Variants in ERG observed in about 807,000 individuals in gnomAD.
ERG encodes ETS transcription factor ERG, also known as transcriptional regulator ERG.
ERG carries 9 observed loss-of-function variants against 55.3 expected under a neutral mutation model. The ratio of observed to expected loss-of-function variants is 0.16; its 90% CI spans 0.10 to 0.28. ERG has a LOEUF of 0.28. ERG is among the 10% of genes least tolerant of loss of function. The pLI is 1.00. For synonymous variants in ERG, 223 were observed against 237.3 expected, an observed-to-expected ratio of 0.94 and a Z score of 0.55; for missense variants, 434 against 631.6, an observed-to-expected ratio of 0.69 and a Z score of 3.35.
At chr21:38,627,162 T>A (rs1310559545) in intron 1 of ERG, among the ~76,000 whole-genome samples, 2 of 152,088 alleles carry the variant, frequency 1.3e-5, no homozygotes, top group Non-Finnish European at 2.9e-5. Flanking sequence ...TGTTGAATAT[T>A]TCATGTCTAA....
At chr21:38,495,416 C>A (rs922418515) in intron 1 of ERG, among the ~76,000 whole-genome samples, 8 of 152,374 alleles carry the variant, frequency 5.3e-5, no homozygotes, top group South Asian at 2.1e-4. Flanking sequence ...CTCCACCAAG[C>A]CTTGTTAGTA....
rs1988004648 is a variant in ERG at position 38,392,235 on chromosome 21, A to C, written c.814+141T>G. On this transcript the variant is annotated intron_variant, in intron 7 of 9. Coordinates refer to ENST00000288319, the MANE Select transcript of ERG (RefSeq NM_182918.4). The stretch of plus-strand genomic sequence containing the variant: ...AAAGAATCACTGCAGTGAAAGATCA[A>C]TTGTACTCTTGTCGTCAATGGAACA... 4.0e-6 allele frequency: 3 copies of C among 759,384 alleles called. No individual in the cohort carries two copies. In the Admixed American group the frequency reaches 6.0e-5, roughly 15 times the overall value. The allele number at this position is 759,384 out of a possible 1,614,324, so 47.0% of individuals were successfully genotyped here. A position where few individuals can be genotyped will look rare whatever the true frequency, so the allele number is the denominator to read the frequency against.
At chr21:38,556,169 G>A (rs1348627321) in intron 2 of ERG, among the ~76,000 whole-genome samples, 2 of 152,110 alleles carry the variant, frequency 1.3e-5, no homozygotes, top group Non-Finnish European at 2.9e-5. Context: ...ATTTTGGGAT[G>A]ATAAAAGGGC....
rs1987465949 is a variant in ERG, at chr21:38,382,113, G to A, written c.*1290C>T. 1 of 1,055,132 alleles carries A rather than the reference G, an allele frequency of 9.5e-7. No individual in the cohort carries two copies. Among genetic ancestry groups the A allele is most frequent in the East Asian group, 5.4e-5 (1 of 18,654 alleles). 65.4% of individuals were successfully genotyped at this position (1,055,132 alleles called of 1,614,324 possible). On this transcript the variant is annotated 3_prime_UTR_variant, in exon 10 of 10. Coordinates refer to ENST00000288319, the MANE Select transcript of ERG (RefSeq NM_182918.4). ...AATAACTTCATATTGTAAACATTAAGCATACAGAGTTAAAATTCAAGGCCA... is the reference window on the plus strand; with the variant it reads ...AATAACTTCATATTGTAAACATTAAACATACAGAGTTAAAATTCAAGGCCA...
intron 1 of ERG, among the ~76,000 whole-genome samples, chr21:38,580,386 T>G (rs913859530): frequency 1.3e-5 from 2 of 152,240 alleles, no homozygotes; most frequent in African/African-American, 4.8e-5. Flanking sequence ...TATGTAGTAG[T>G]TGGTAACCAA....
At chr21:38,425,460 T>G (rs545390835) in intron 2 of ERG, among the ~76,000 whole-genome samples, 223 of 152,182 alleles carry the variant, frequency 1.5e-3, no homozygotes, top group Non-Finnish European at 2.6e-3. Context: ...AAATCCAGCT[T>G]AAGCAGAAAA....
chr21:38,431,662 GATGACA>G (rs1990219161), intron 2 of ERG, among the ~76,000 whole-genome samples: 1 of 152,178 alleles, frequency 6.6e-6, no homozygotes, highest in African/African-American at 2.4e-5. Flanking sequence ...AAGTGCATCT[GATGACA>G]AGGTTTGAGG....
chr21:38,423,433 T>C lies in ERG; in HGVS notation c.365A>G (p.Glu122Gly). 1 of 1,613,932 alleles carries C rather than the reference T, an allele frequency of 6.2e-7. No individual in the cohort carries two copies. Among genetic ancestry groups the C allele is most frequent in the Non-Finnish European group, 8.5e-7 (1 of 1,179,900 alleles). The change falls in exon 3 of 10, where the codon GAG becomes GGG. Residue 122 changes from glutamate to glycine, a missense_variant. Glu to Gly is a moderately conservative substitution (Grantham distance 98). Around this residue, in one of 5 missense-constraint regions of ERG, gnomAD observed 212 missense variants for 262.9 expected, o/e 0.81. Coordinates refer to ENST00000288319, the MANE Select transcript of ERG (RefSeq NM_182918.4). The stretch of plus-strand genomic sequence containing the variant: ...ACCTGCTGGCACGATAACTCTGCGC[T>C]CGTTCGTGGTCATGTTTGGGGGTGG... ...HMPPPNMTTN[E>G]RRVIVPADPT...
At chr21:38,435,966 T>G (rs1990422763) in intron 2 of ERG, among the ~76,000 whole-genome samples, 1 of 152,148 alleles carries the variant, frequency 6.6e-6, no homozygotes, top group South Asian at 2.1e-4. Context: ...CTTCATGTTT[T>G]TATAACAGGC....
intron 3 of ERG, among the ~76,000 whole-genome samples, chr21:38,422,913 T>G (rs1571703): frequency 0.057 from 8,601 of 152,224 alleles, 420 homozygotes; most frequent in East Asian, 0.21. Flanking sequence ...TCATAAATAG[T>G]ACCTCATGAA....
intron 1 of ERG, among the ~76,000 whole-genome samples, chr21:38,657,265 T>G (rs2060525065): frequency 1.3e-5 from 2 of 152,190 alleles, no homozygotes; most frequent in Non-Finnish European, 2.9e-5. Flanking sequence ...ACGCACTGAG[T>G]CAAGATAGCC....
chr21:38,577,335 G>A (rs1007804289), intron 1 of ERG, among the ~76,000 whole-genome samples: 13 of 152,144 alleles, frequency 8.5e-5, no homozygotes, highest in African/African-American at 3.1e-4. Flanking sequence ...TCTCCCTGGA[G>A]GCCTCCCAAG....
chr21:38,392,401 G>A lies in ERG; in HGVS notation c.789C>T (p.His263=), dbSNP rs780807596. 1.9e-5 allele frequency: 30 copies of A among 1,567,116 alleles called. No individual in the cohort carries two copies. The highest frequency in any genetic ancestry group is 1.2e-4 in the African/African-American group (9 of 73,808). ...EPPRRSAWTG[H]GHPTPQSKAA... ...CTTTCGACTGGGGCGTGGGGTGGCC[G>A]TGACCGGTCCAGGCTGATCTCCTGG... is the stretch of plus-strand genomic sequence containing the variant. Residue 263 remains histidine (H), a synonymous_variant, in exon 7 of 10, where the codon CAC becomes CAT. Coordinates refer to ENST00000288319, the MANE Select transcript of ERG (RefSeq NM_182918.4).
chr21:38,444,011 T>C lies in ERG; in HGVS notation c.236+1393A>G, dbSNP rs577011568. Among the ~76,000 whole-genome samples, 3 of 151,806 alleles carry C rather than the reference T, an allele frequency of 2.0e-5. No homozygotes were observed. The South Asian group carries it at 6.2e-4, about 32-fold the overall frequency. Reference sequence around the variant, plus strand: ...AAACTGACTTCTCAGAGTGGAGGAGTGTTCTGGCATCTCCCATCTCCCCAT... The same window carrying C: ...AAACTGACTTCTCAGAGTGGAGGAGCGTTCTGGCATCTCCCATCTCCCCAT... On this transcript the variant is annotated intron_variant, in intron 2 of 9. Coordinates refer to ENST00000288319, the MANE Select transcript of ERG (RefSeq NM_182918.4).
At chr21:38,437,216 C>T (rs1182274251) in intron 2 of ERG, among the ~76,000 whole-genome samples, 1 of 152,122 alleles carries the variant, frequency 6.6e-6, no homozygotes, top group Non-Finnish European at 1.5e-5. Context: ...TAATCCATCT[C>T]CATCGAAGCT....
intron 1 of ERG, among the ~76,000 whole-genome samples, chr21:38,647,566 G>T (rs571265584): frequency 6.6e-6 from 1 of 152,236 alleles, no homozygotes; most frequent in South Asian, 2.1e-4. Context: ...CTTTTTAGGA[G>T]GTTGATCATG....
At chr21:38,637,341 A>G (rs1490927950) in intron 1 of ERG, among the ~76,000 whole-genome samples, 1 of 152,218 alleles carries the variant, frequency 6.6e-6, no homozygotes, top group Non-Finnish European at 1.5e-5. Context: ...TCAGAGCTTA[A>G]GAAACAATCC....
At position 38,533,044 on chromosome 21, in the gene ERG, T is replaced by C. The variant is rs185044974; in HGVS notation, c.-41+42618A>G. On this transcript the variant is annotated intron_variant, in intron 2 of 8. Coordinates refer to the ERG transcript ENST00000398897. ...AAATCACTATTGAATTAAAATGAAG[T>C]AAAGCACTTTGAGATTTCAGATTTC... Among the ~76,000 whole-genome samples, 243 of 152,316 alleles carry C rather than the reference T, an allele frequency of 1.6e-3. 2 individuals are homozygous for C. The highest frequency in any genetic ancestry group is 9.3e-3 in the Admixed American group (143 of 15,298).
intron 1 of ERG, among the ~76,000 whole-genome samples, chr21:38,487,479 C>G (rs146749346): frequency 6.6e-6 from 1 of 152,270 alleles, no homozygotes; most frequent in African/African-American, 2.4e-5. Flanking sequence ...AAAACAATCC[C>G]TAGCCAGGCA....
Sources: allele counts gnomAD v4.1 joint callset (sites outside exome capture counted in the v4.1 genomes callset), GRCh38; gene constraint gnomAD v4.1.1; regional missense constraint gnomAD v4.1.1; transcripts MANE v1.5; gene names NCBI Gene and HGNC (gene_info 2026-07-23, HGNC 2026-07-21).